Variants in DAB2IP observed in about 807,000 individuals in gnomAD.
DAB2IP encodes disabled homolog 2-interacting protein.
Under a neutral mutation model 107.2 loss-of-function variants are expected in DAB2IP, and 28 were observed. The observed-to-expected ratio is 0.26, with a 90% CI of 0.19 to 0.36. The LOEUF is 0.36. Ranked by LOEUF, DAB2IP falls within the 10% of genes least tolerant of loss-of-function variation. DAB2IP has a pLI of 1.00. For missense variants in DAB2IP, 1,400 were observed against 1,644.7 expected (o/e 0.85, Z 2.57); for synonymous variants, 755 against 706.4 (o/e 1.07, Z -1.09).
At chr9:121,660,633 C>G (rs1180573165) in intron 1 of DAB2IP, among the ~76,000 whole-genome samples, 1 of 152,178 alleles carries the variant, frequency 6.6e-6, no homozygotes, top group Non-Finnish European at 1.5e-5. Context: ...CGATCTCTCC[C>G]TGGCCTGCGG....
intron 3 of DAB2IP, among the ~76,000 whole-genome samples, chr9:121,723,095 T>C (rs1831033069): frequency 6.6e-6 from 1 of 152,162 alleles, no homozygotes; most frequent in Non-Finnish European, 1.5e-5. Context: ...CAGAGCCCTC[T>C]CTCCCAGCAC....
At chr9:121,733,774 TGGG>T (rs1831688902) in intron 3 of DAB2IP, among the ~76,000 whole-genome samples, 1 of 151,714 alleles carries the variant, frequency 6.6e-6, no homozygotes, top group Non-Finnish European at 1.5e-5. Flanking sequence ...AAATTAGAAA[TGGG>T]GGCAGGAGGG....
chr9:121,642,029 C>CTCTCTCTCTCTCTTTCTCTCTTTCTT, intron 1 of DAB2IP, among the ~76,000 whole-genome samples: 1 of 26,720 alleles, frequency 3.7e-5, no homozygotes, highest in Non-Finnish European at 7.4e-5. Flanking sequence ...CTCTCTCTCT[C>CTCTCTCTCTCTCTTTCTCTCTTTCTT]TCTTTCTTTC....
At chr9:121,584,339 G>T (rs1470492053) in intron 1 of DAB2IP, among the ~76,000 whole-genome samples, 2 of 151,904 alleles carry the variant, frequency 1.3e-5, no homozygotes, top group African/African-American at 4.8e-5. Flanking sequence ...GGAATTTGAG[G>T]CTGCAGTGAA....
rs931762582 is a variant in DAB2IP at position 121,571,614 on chromosome 9, C to T, written c.40+4386C>T. ...TCTCCCTGCTTCAAGCTGAGCAAAG[C>T]GCCTTTCGTCTAGTGAAGACCCCAG... On this transcript the variant is annotated intron_variant, in intron 1 of 16. Coordinates refer to the DAB2IP transcript ENST00000259371. Among the ~76,000 whole-genome samples the T allele has an allele frequency of 3.9e-5, 6 of 152,240 alleles. No individual in the cohort carries two copies. The South Asian group carries it at 6.2e-4, about 16-fold the overall frequency.
At chr9:121,746,566 C>G (rs1424050338) in intron 3 of DAB2IP, among the ~76,000 whole-genome samples, 1 of 152,078 alleles carries the variant, frequency 6.6e-6, no homozygotes, top group African/African-American at 2.4e-5. Flanking sequence ...ACATGAATGG[C>G]CCACCTGGTC....
At chr9:121,575,238 C>CGCCT (rs975009048) in intron 1 of DAB2IP, 1 of 152,562 alleles carries the variant, frequency 6.6e-6, no homozygotes, top group Non-Finnish European at 1.5e-5. Flanking sequence ...CTATCTGCTG[C>CGCCT]GCCTCCGTGT....
upstream of DAB2IP, among the ~76,000 whole-genome samples, chr9:121,648,941 G>A (rs547256836): frequency 6.6e-6 from 1 of 152,320 alleles, no homozygotes; most frequent in African/African-American, 2.4e-5. Context: ...GGGCGCCGGC[G>A]GGAGGTGGGA....
At chr9:121,646,837 G>T (rs1168081714), upstream of DAB2IP, among the ~76,000 whole-genome samples, 2 of 152,088 alleles carry the variant, frequency 1.3e-5, no homozygotes, top group Non-Finnish European at 2.9e-5. Context: ...TATGATCGTT[G>T]CTCCTTTCAG....
chr9:121,689,686 A>G (rs1435738349), intron 2 of DAB2IP, among the ~76,000 whole-genome samples: 1 of 152,154 alleles, frequency 6.6e-6, no homozygotes, highest in Non-Finnish European at 1.5e-5. Context: ...ATCCTACCCA[A>G]CAGAAGCTCC....
At chr9:121,653,818 C>T (rs894917350) in intron 1 of DAB2IP, among the ~76,000 whole-genome samples, 3 of 152,202 alleles carry the variant, frequency 2.0e-5, no homozygotes, top group African/African-American at 7.2e-5. Flanking sequence ...CTCCCAGACC[C>T]CACATACACA....
chr9:121,657,459 C>G (rs1267607960), intron 1 of DAB2IP, among the ~76,000 whole-genome samples: 1 of 152,230 alleles, frequency 6.6e-6, no homozygotes, highest in African/African-American at 2.4e-5. Flanking sequence ...ATGCCAAGAG[C>G]TCCCCCTGAT....
chr9:121,696,263 T>C (rs998928025), intron 2 of DAB2IP, among the ~76,000 whole-genome samples: 1 of 152,240 alleles, frequency 6.6e-6, no homozygotes, highest in Non-Finnish European at 1.5e-5. Context: ...TCTCTTGCAG[T>C]GAGGGGTCTG....
At chr9:121,603,369 C>A (rs73661793) in intron 1 of DAB2IP, among the ~76,000 whole-genome samples, 1 of 152,104 alleles carries the variant, frequency 6.6e-6, no homozygotes, top group Admixed American at 6.6e-5. Context: ...AGCTGTGCTG[C>A]AGACAGGGTG....
chr9:121,732,670 G>A (rs1831615674), intron 3 of DAB2IP, among the ~76,000 whole-genome samples: 1 of 152,190 alleles, frequency 6.6e-6, no homozygotes, highest in Admixed American at 6.5e-5. Context: ...GCTCTGAAGT[G>A]TTGAACACTG....
chr9:121,663,357 A>G (rs1002206211), intron 1 of DAB2IP, among the ~76,000 whole-genome samples: 4 of 152,110 alleles, frequency 2.6e-5, no homozygotes, highest in Non-Finnish European at 5.9e-5. Flanking sequence ...ACTGGGAAGG[A>G]TGTGTCTCAT....
At chr9:121,774,197 C>G in intron 12 of DAB2IP, 63 bp from the exon 13 acceptor site, 1 of 1,478,956 alleles carries the variant, frequency 6.8e-7, no homozygotes, top group African/African-American at 1.4e-5. Flanking sequence ...ACCTGGGCCA[C>G]TCCCGCCCCT....
intron 3 of DAB2IP, among the ~76,000 whole-genome samples, chr9:121,732,443 G>A (rs1234362473): frequency 6.6e-6 from 1 of 152,152 alleles, no homozygotes; most frequent in African/African-American, 2.4e-5. Context: ...GCAGGCGGAG[G>A]TGATGCGACC....
At position 121,734,989 on chromosome 9, in the gene DAB2IP, G is replaced by A. The variant is rs572019207; in HGVS notation, c.363-22024G>A. Among the ~76,000 whole-genome samples, 171 of 152,294 alleles carry A rather than the reference G, an allele frequency of 1.1e-3. 1 individual carries two copies. Among genetic ancestry groups the A allele is most frequent in the African/African-American group, 4.0e-3 (166 of 41,550 alleles). ...CACTCTGCTTTCGCCTTCCTTGTTGGTTTGGCTGCTCTGGAGCCAAAGGGG... is the reference window on the plus strand; with the variant it reads ...CACTCTGCTTTCGCCTTCCTTGTTGATTTGGCTGCTCTGGAGCCAAAGGGG... On this transcript the variant is annotated intron_variant, in intron 3 of 15. Transcript: ENST00000408936.
Sources: allele counts gnomAD v4.1 joint callset (sites outside exome capture counted in the v4.1 genomes callset), GRCh38; gene constraint gnomAD v4.1.1; transcripts MANE v1.5; gene names NCBI Gene and HGNC (gene_info 2026-07-23, HGNC 2026-07-21).